The following FRMPD4 variants were observed in gnomAD, a reference collection of about 807,000 sequenced individuals.
FRMPD4 encodes FERM and PDZ domain containing 4.
In FRMPD4, 22 loss-of-function variants were observed where a neutral mutation model predicts 94.1. That is an observed-to-expected ratio of 0.23 (90% CI 0.17 to 0.33). FRMPD4 has a LOEUF of 0.33. Ranked by LOEUF, FRMPD4 falls within the 10% of genes least tolerant of loss-of-function variation. FRMPD4 has a pLI of 1.00. For missense variants in FRMPD4, 1,111 were observed against 1,339.9 expected, an observed-to-expected ratio of 0.83 and a Z score of 2.67; for synonymous variants, 631 against 548.6, an observed-to-expected ratio of 1.15 and a Z score of -2.10.
chrX:11,931,443 C>T (rs989734856), intron 3 of FRMPD4, among the ~76,000 whole-genome samples: 1 of 111,869 alleles, frequency 8.9e-6, no homozygotes, highest in Non-Finnish European at 1.9e-5. Context: ...TACTAGGATG[C>T]CTTGAGCTGT....
chrX:12,156,221 T>C (rs888922262), intron 1 of FRMPD4, among the ~76,000 whole-genome samples: 2 of 111,680 alleles, frequency 1.8e-5, no homozygotes, highest in African/African-American at 6.5e-5. Flanking sequence ...AAAATAGTAG[T>C]GGTCCCTCAT....
chrX:11,848,029 T>C (rs929266997), intron 1 of FRMPD4, among the ~76,000 whole-genome samples: 81 of 105,636 alleles, frequency 7.7e-4, no homozygotes, highest in South Asian at 1.7e-3. Flanking sequence ...ACTTAAAGTA[T>C]AATAATAATA....
chrX:12,428,143 C>A (rs1246880063), intron 1 of FRMPD4, among the ~76,000 whole-genome samples: 2 of 109,633 alleles, frequency 1.8e-5, no homozygotes, highest in African/African-American at 6.6e-5. Flanking sequence ...GATCTCCTGA[C>A]CTCGTGATCT....
chrX:12,240,939 C>T (rs1224259921), intron 1 of FRMPD4, among the ~76,000 whole-genome samples: 6 of 111,828 alleles, frequency 5.4e-5, no homozygotes, highest in African/African-American at 1.6e-4. Flanking sequence ...AGTGTAGTTG[C>T]TCCTATAAAT....
At chrX:12,719,792 T>C (rs2042183648) in intron 16 of FRMPD4, among the ~76,000 whole-genome samples, 1 of 110,934 alleles carries the variant, frequency 9.0e-6, no homozygotes, top group African/African-American at 3.3e-5. Context: ...ACCTCTTGCT[T>C]CTCACAAAAA....
Position 11,841,598 on chromosome X carries a change from G to T in FRMPD4, c.-161+18883G>T, listed in dbSNP as rs759632567. On this transcript the variant is annotated intron_variant, in intron 1 of 18. Transcript: ENST00000640291. ...CGCCCACTTTTTGATGGGGTTGTTT[G>T]TTTTTTGCTTGTAAATGTGTTTGAG... 7.2e-5 allele frequency among the ~76,000 whole-genome samples: 8 copies of T among 110,963 alleles called. No individual in the cohort carries two copies. The South Asian group carries it at 3.0e-3, about 42-fold the overall frequency.
intron 1 of FRMPD4, among the ~76,000 whole-genome samples, chrX:12,183,814 T>C (rs1213354566): frequency 9.0e-6 from 1 of 110,673 alleles, no homozygotes; most frequent in African/African-American, 3.3e-5. Context: ...AATATATAAA[T>C]AGAAGCATTG....
intron 3 of FRMPD4, among the ~76,000 whole-genome samples, chrX:12,018,924 G>GC (rs1171317376): frequency 1.3e-4 from 14 of 111,835 alleles, no homozygotes; most frequent in African/African-American, 4.6e-4. Flanking sequence ...AAGTCCTTTG[G>GC]CCAGAGGTGT....
intron 2 of FRMPD4, among the ~76,000 whole-genome samples, chrX:12,559,543 G>A (rs1452918049): frequency 4.6e-5 from 5 of 109,396 alleles, no homozygotes; most frequent in African/African-American, 1.7e-4. Context: ...CCATCCACTC[G>A]GGAGGCTGAG....
rs911844626 is a variant in FRMPD4, at chrX:12,682,925, G to A, written c.469-558G>A. On this transcript the variant is annotated intron_variant, in intron 5 of 16. Transcript: ENST00000675598. The stretch of plus-strand genomic sequence containing the variant: ...CAGGATCACAAGTTACCAAGAAGAG[G>A]CTAAAACTCAGGTTGCAGGTGCATA... Among the ~76,000 whole-genome samples, 16 of 112,005 alleles carry A rather than the reference G, an allele frequency of 1.4e-4. No individual in the cohort carries two copies. The South Asian group carries it at 2.6e-3, about 18-fold the overall frequency.
chrX:12,273,437 A>G (rs1302283830), intron 1 of FRMPD4, among the ~76,000 whole-genome samples: 1 of 112,638 alleles, frequency 8.9e-6, no homozygotes, highest in African/African-American at 3.2e-5. Flanking sequence ...ATTCAAAGAC[A>G]CCAGAAATTT....
intron 5 of FRMPD4, among the ~76,000 whole-genome samples, chrX:12,678,512 C>T (rs1423847185): frequency 8.9e-6 from 1 of 112,378 alleles, no homozygotes; most frequent in Non-Finnish European, 1.9e-5. Context: ...GCCAATCTTA[C>T]CTGAGACAGA....
chrX:12,267,189 C>A (rs1315630349), intron 1 of FRMPD4, among the ~76,000 whole-genome samples: 2 of 111,644 alleles, frequency 1.8e-5, no homozygotes, highest in Non-Finnish European at 3.8e-5. Flanking sequence ...GTCAAGGACC[C>A]GCTATATAAT....
intron 2 of FRMPD4, among the ~76,000 whole-genome samples, chrX:12,602,087 A>T (rs1399047879): frequency 9.0e-6 from 1 of 111,491 alleles, no homozygotes; most frequent in East Asian, 2.8e-4. Flanking sequence ...AAAAATATAT[A>T]TTTTCAATAT....
intron 1 of FRMPD4, among the ~76,000 whole-genome samples, chrX:12,335,696 G>A (rs5979594): frequency 0.098 from 10,822 of 110,924 alleles, 1,287 homozygotes; most frequent in African/African-American, 0.33. Context: ...CTAGTTACCT[G>A]CTCCTGCAGG....
chrX:11,847,164 T>A (rs775881223), intron 1 of FRMPD4, among the ~76,000 whole-genome samples: 1 of 111,532 alleles, frequency 9.0e-6, no homozygotes, highest in South Asian at 3.7e-4. Flanking sequence ...GAATGTACAA[T>A]GAACTCAAAC....
At chrX:12,088,394 G>C (rs763586095) in intron 3 of FRMPD4, among the ~76,000 whole-genome samples, 47 of 112,048 alleles carry the variant, frequency 4.2e-4, no homozygotes, top group Non-Finnish European at 7.9e-4. Flanking sequence ...ATTCTTAGGA[G>C]TTGGGATTTC....
chrX:12,356,374 G>A (rs1056422660), intron 1 of FRMPD4, among the ~76,000 whole-genome samples: 1 of 112,320 alleles, frequency 8.9e-6, no homozygotes. Context: ...CTTGGCATCA[G>A]AGTCATTTTA....
At chrX:12,631,589 C>T (rs1380881021) in intron 4 of FRMPD4, among the ~76,000 whole-genome samples, 12 of 110,408 alleles carry the variant, frequency 1.1e-4, no homozygotes, top group African/African-American at 4.0e-4. Context: ...GTTCCCCTCC[C>T]TGTGTCCATG....
Sources: allele counts gnomAD v4.1 joint callset (sites outside exome capture counted in the v4.1 genomes callset), GRCh38; gene constraint gnomAD v4.1.1; transcripts MANE v1.5; gene names NCBI Gene and HGNC (gene_info 2026-07-23, HGNC 2026-07-21).